NKAIN2: variants seen among roughly 807,000 people sequenced by gnomAD.
NKAIN2 encodes sodium/potassium transporting ATPase interacting 2.
Under a neutral mutation model 32.6 loss-of-function variants are expected in NKAIN2, and 14 were observed. The observed-to-expected ratio is 0.43, with a 90% CI of 0.28 to 0.67. The LOEUF (loss-of-function observed/expected upper bound fraction) is 0.67. Ranked by LOEUF, NKAIN2 falls within the 30% of genes least tolerant of loss-of-function variation. NKAIN2 has a pLI of 0.17. For missense variants in NKAIN2, 198 were observed against 258.3 expected, an observed-to-expected ratio of 0.77 and a Z score of 1.60; for synonymous variants, 80 against 87.2, an observed-to-expected ratio of 0.92 and a Z score of 0.46.
At chr6:123,839,935 A>G (rs1265034950) in intron 1 of NKAIN2, among the ~76,000 whole-genome samples, 1 of 152,168 alleles carries the variant, frequency 6.6e-6, no homozygotes, top group Non-Finnish European at 1.5e-5. Context: ...CTTAACAGCA[A>G]TAAATGGATC....
chr6:124,129,157 A>G (rs1786330441), intron 1 of NKAIN2, among the ~76,000 whole-genome samples: 1 of 152,214 alleles, frequency 6.6e-6, no homozygotes, highest in African/African-American at 2.4e-5. Flanking sequence ...GAAAGACATA[A>G]CTTTTCATCA....
rs1263474053 is a variant in NKAIN2, at chr6:124,825,243, G to A, written c.*2014G>A. 6.6e-6 allele frequency: 1 copy of A among 152,366 alleles called. No homozygotes were observed. Among genetic ancestry groups the A allele is most frequent in the Admixed American group, 6.6e-5 (1 of 15,232 alleles). 9.4% of individuals were successfully genotyped at this position (152,366 alleles called of 1,614,324 possible). On this transcript the variant is annotated 3_prime_UTR_variant, in exon 7 of 7. Coordinates refer to ENST00000368417, the MANE Select transcript of NKAIN2 (RefSeq NM_001040214.3). ...TTTCACCTTATAGTACATGTATATGGGTACAGAAAATAAACCCTCATATTC... is the reference window on the plus strand; with the variant it reads ...TTTCACCTTATAGTACATGTATATGAGTACAGAAAATAAACCCTCATATTC...
Position 123,891,571 on chromosome 6 carries a change from T to G in NKAIN2, c.54+87317T>G, listed in dbSNP as rs188688885. Among the ~76,000 whole-genome samples the G allele has an allele frequency of 1.5e-3, 232 of 152,296 alleles. 2 individuals are homozygous for G. Among genetic ancestry groups the G allele is most frequent in the African/African-American group, 5.5e-3 (228 of 41,572 alleles). On this transcript the variant is annotated intron_variant, in intron 1 of 6. Coordinates refer to ENST00000368417, the MANE Select transcript of NKAIN2 (RefSeq NM_001040214.3). ...CTTCCAAAGACCAGTGCCCAAACAT[T>G]GGTGCTTATTCCCCATAGGAAACAT...
chr6:124,203,708 A>C (rs2114633981), intron 1 of NKAIN2, among the ~76,000 whole-genome samples: 1 of 151,942 alleles, frequency 6.6e-6, no homozygotes, highest in African/African-American at 2.4e-5. Context: ...CACGGGAGCA[A>C]GTATCTTGAA....
intron 1 of NKAIN2, among the ~76,000 whole-genome samples, chr6:124,049,974 T>C (rs1424997013): frequency 2.0e-5 from 3 of 152,002 alleles, no homozygotes; most frequent in East Asian, 1.9e-4. Flanking sequence ...AAAAAACATA[T>C]GCCGAGTTTT....
chr6:124,226,733 T>G lies in NKAIN2; in HGVS notation c.55-56272T>G, dbSNP rs565459431. Among the ~76,000 whole-genome samples the G allele has an allele frequency of 5.3e-5, 8 of 152,250 alleles. 1 individual carries two copies. In the South Asian group the frequency reaches 1.7e-3, roughly 32 times the overall value. On this transcript the variant is annotated intron_variant, in intron 1 of 6. Coordinates refer to ENST00000368417, the MANE Select transcript of NKAIN2 (RefSeq NM_001040214.3). ...CAAAGAGCCAATCTCTTTACTTTTT[T>G]GACCACAAGAATGTGCAGTGTCATC...
rs150487162 is a variant in NKAIN2 at position 124,092,388 on chromosome 6, A to G, written c.55-190617A>G. 6.9e-4 allele frequency among the ~76,000 whole-genome samples: 105 copies of G among 152,240 alleles called. 1 individual carries two copies. The highest frequency in any genetic ancestry group is 2.4e-3 in the African/African-American group (100 of 41,580). On this transcript the variant is annotated intron_variant, in intron 1 of 6. Coordinates refer to ENST00000368417, the MANE Select transcript of NKAIN2 (RefSeq NM_001040214.3). Reference sequence around the variant, plus strand: ...TCATCAGAGGTTTAGAAAATATATAAGGAACAATTTTCTATAAAAGTATTT... The same window carrying G: ...TCATCAGAGGTTTAGAAAATATATAGGGAACAATTTTCTATAAAAGTATTT...
chr6:124,147,381 AAC>A (rs1173697254), intron 1 of NKAIN2, among the ~76,000 whole-genome samples: 3 of 152,108 alleles, frequency 2.0e-5, no homozygotes, highest in African/African-American at 7.2e-5. Context: ...ATTTCTAGAG[AAC>A]AGTCTCCACC....
At chr6:124,400,329 C>A (rs73770482) in intron 3 of NKAIN2, among the ~76,000 whole-genome samples, 1,892 of 152,214 alleles carry the variant, frequency 0.012, 30 homozygotes, top group African/African-American at 0.043. Context: ...TAAGTGTCAG[C>A]ACTTCAGTGC....
chr6:124,379,897 A>T (rs62434753), intron 3 of NKAIN2, among the ~76,000 whole-genome samples: 8,398 of 152,154 alleles, frequency 0.055, 319 homozygotes, highest in Non-Finnish European at 0.069. Context: ...GTTTTCAGAA[A>T]ATTAACAAAA....
intron 3 of NKAIN2, among the ~76,000 whole-genome samples, chr6:124,402,386 C>A (rs1422001988): frequency 6.6e-6 from 1 of 152,154 alleles, no homozygotes; most frequent in Admixed American, 6.5e-5. Context: ...AAACAACCAT[C>A]CTTTCCCGTT....
At chr6:124,035,078 T>C (rs1781556149) in intron 1 of NKAIN2, among the ~76,000 whole-genome samples, 1 of 152,076 alleles carries the variant, frequency 6.6e-6, no homozygotes, top group Admixed American at 6.6e-5. Context: ...TATGCTTCGA[T>C]TGCAAATATG....
At chr6:124,509,068 C>G (rs775638052) in intron 3 of NKAIN2, among the ~76,000 whole-genome samples, 7 of 152,126 alleles carry the variant, frequency 4.6e-5, no homozygotes, top group Admixed American at 6.6e-5. Context: ...TTAGGAAACA[C>G]AACTCAATTC....
At chr6:124,697,128 T>C (rs1774535346) in intron 4 of NKAIN2, among the ~76,000 whole-genome samples, 1 of 152,134 alleles carries the variant, frequency 6.6e-6, no homozygotes, top group Admixed American at 6.5e-5. Flanking sequence ...TAAAGTGCAG[T>C]ATAATCATTA....
At chr6:124,116,248 G>A (rs964907832) in intron 1 of NKAIN2, among the ~76,000 whole-genome samples, 1 of 149,646 alleles carries the variant, frequency 6.7e-6, no homozygotes, top group Non-Finnish European at 1.5e-5. Flanking sequence ...ACTCCACCTG[G>A]GGTTCCTTCA....
chr6:124,164,254 A>G (rs1428537229), intron 1 of NKAIN2, among the ~76,000 whole-genome samples: 1 of 152,034 alleles, frequency 6.6e-6, no homozygotes, highest in Admixed American at 6.6e-5. Context: ...CTAGAGTAAA[A>G]CAGCATATAC....
At chr6:124,056,357 A>G (rs1782651826) in intron 1 of NKAIN2, among the ~76,000 whole-genome samples, 1 of 151,936 alleles carries the variant, frequency 6.6e-6, no homozygotes, top group African/African-American at 2.4e-5. Flanking sequence ...TTTGATGTAC[A>G]AAATATTTTA....
chr6:124,773,681 C>T (rs567904839), intron 4 of NKAIN2, among the ~76,000 whole-genome samples: 3 of 152,062 alleles, frequency 2.0e-5, no homozygotes, highest in Admixed American at 1.3e-4. Flanking sequence ...TAAAATAACC[C>T]AGGTTAACCA....
intron 1 of NKAIN2, among the ~76,000 whole-genome samples, chr6:124,219,374 T>A (rs1423572902): frequency 6.6e-6 from 1 of 150,788 alleles, no homozygotes; most frequent in African/African-American, 2.4e-5. Context: ...GCCTCCTGGG[T>A]TTAAGTGATT....
Sources: allele counts gnomAD v4.1 joint callset (sites outside exome capture counted in the v4.1 genomes callset), GRCh38; gene constraint gnomAD v4.1.1; transcripts MANE v1.5; gene names NCBI Gene and HGNC (gene_info 2026-07-23, HGNC 2026-07-21).